Variants in WDR45B observed in about 807,000 individuals in gnomAD.
The protein encoded by WDR45B is WD repeat domain 45B, also known as WD repeat domain phosphoinositide-interacting protein 3.
WDR45B carries 20 observed loss-of-function variants against 44.6 expected under a neutral mutation model. The observed-to-expected ratio is 0.45, with a 90% CI of 0.32 to 0.65. The LOEUF is 0.65. WDR45B is among the 30% of genes least tolerant of loss of function. WDR45B has a pLI of 0.05. For synonymous variants in WDR45B, 169 were observed against 164.9 expected (o/e 1.02, Z -0.19); for missense variants, 323 against 430.2 (o/e 0.75, Z 2.20).
chr17:82,643,066 G>A (rs775028797), intron 2 of WDR45B, among the ~76,000 whole-genome samples: 7 of 152,316 alleles, frequency 4.6e-5, no homozygotes, highest in Non-Finnish European at 7.3e-5. Flanking sequence ...ATTAATCTGC[G>A]TGTCTTACGC....
At chr17:82,635,386 T>C (rs1350668089) in intron 2 of WDR45B, among the ~76,000 whole-genome samples, 1 of 151,546 alleles carries the variant, frequency 6.6e-6, no homozygotes, top group Admixed American at 6.6e-5. Context: ...GGCTTATTAA[T>C]AAAGTTATTA....
At position 82,644,013 on chromosome 17, in the gene WDR45B, C is replaced by T. The variant is rs201972875; in HGVS notation, c.78G>A (p.Ala26=). The change falls in exon 2 of 10, where the codon GCG becomes GCA. Residue 26 remains alanine (A), a synonymous_variant. Coordinates refer to ENST00000392325, the MANE Select transcript of WDR45B (RefSeq NM_019613.4). Reference sequence around the variant, plus strand: ...CTCGGAATCCATTTTCCATCCCACACGCAAAGCATCCTAAAGCAGAAGTGT... The same window carrying T: ...CTCGGAATCCATTTTCCATCCCACATGCAAAGCATCCTAAAGCAGAAGTGT... ...AGFNQDHGCF[A]CGMENGFRVY... is the part of the protein sequence containing the mutation. 5.3e-5 allele frequency: 85 copies of T among 1,613,964 alleles called. 1 individual carries two copies. The highest frequency in any genetic ancestry group is 1.6e-4 in the African/African-American group (12 of 74,908).
intron 2 of WDR45B, among the ~76,000 whole-genome samples, chr17:82,641,014 G>GTTTT: frequency 7.6e-6 from 1 of 131,316 alleles, no homozygotes. Flanking sequence ...CGCCCAGGAT[G>GTTTT]GAGTGCAGTG....
intron 5 of WDR45B, among the ~76,000 whole-genome samples, chr17:82,624,539 C>T (rs995454558): frequency 5.4e-5 from 8 of 146,918 alleles, no homozygotes; most frequent in Non-Finnish European, 1.2e-4. Flanking sequence ...GGATTACAGG[C>T]GTGAGCCACT....
intron 1 of WDR45B, among the ~76,000 whole-genome samples, chr17:82,648,030 G>A (rs956788302): frequency 2.7e-5 from 4 of 146,402 alleles, no homozygotes; most frequent in African/African-American, 7.5e-5. Flanking sequence ...CACAACCCGG[G>A]GGGTGGGGGA....
chr17:82,627,101 A>C, intron 4 of WDR45B, 103 bp downstream of exon 4: 1 of 941,162 alleles, frequency 1.1e-6, no homozygotes. Context: ...ACATTTTAAT[A>C]CATCATTTCC....
At chr17:82,616,879 G>A (rs572064313) in intron 8 of WDR45B, among the ~76,000 whole-genome samples, 11 of 152,088 alleles carry the variant, frequency 7.2e-5, no homozygotes, top group East Asian at 5.8e-4. Flanking sequence ...GTGCAGGGGC[G>A]CAATCTCGGC....
intron 2 of WDR45B, among the ~76,000 whole-genome samples, chr17:82,636,320 G>A (rs1177099479): frequency 2.0e-5 from 3 of 151,308 alleles, no homozygotes; most frequent in East Asian, 1.9e-4. Flanking sequence ...TTAGCTATGC[G>A]GTCTCTGGGT....
intron 1 of WDR45B, 52 bp downstream of exon 1, chr17:82,648,222 C>T (rs185602683): frequency 6.5e-5 from 102 of 1,567,050 alleles, no homozygotes; most frequent in Admixed American, 3.2e-4. Flanking sequence ...CCGGGGACCC[C>T]GGGCTGCGGG....
chr17:82,635,581 C>T (rs2045822512), intron 2 of WDR45B, among the ~76,000 whole-genome samples: 1 of 151,574 alleles, frequency 6.6e-6, no homozygotes, highest in Non-Finnish European at 1.5e-5. Flanking sequence ...GCCCATCACA[C>T]CCAGCTAATT....
intron 2 of WDR45B, among the ~76,000 whole-genome samples, chr17:82,639,192 T>C (rs911925227): frequency 6.6e-6 from 1 of 151,990 alleles, no homozygotes; most frequent in Non-Finnish European, 1.5e-5. Flanking sequence ...CTACTTTCTT[T>C]TTCCTTTAAC....
chr17:82,614,805 AAT>A lies in WDR45B; in HGVS notation c.*1112_*1113del, dbSNP rs576731192. ...TTGCAATCTGAAATCAAAACCATAA[AAT>A]AGAGTTTAACGGGAATTTAAGAAAA... On this transcript the variant is annotated 3_prime_UTR_variant, in exon 10 of 10. Transcript: ENST00000392325. 179 of 152,328 alleles carry A rather than the reference AAT, an allele frequency of 1.2e-3. No individual in the cohort carries two copies. The highest frequency in any genetic ancestry group is 3.8e-3 in the African/African-American group (158 of 41,570). 9.4% of individuals were successfully genotyped at this position (152,328 alleles called of 1,614,324 possible).
At chr17:82,644,563 T>TCTA in intron 1 of WDR45B, 1 of 180,556 alleles carries the variant, frequency 5.5e-6, no homozygotes, top group Non-Finnish European at 1.2e-5. Context: ...GTTACCCAGG[T>TCTA]CACTCATCCT....
intron 6 of WDR45B, among the ~76,000 whole-genome samples, chr17:82,621,046 TTTTG>T (rs1278759124): frequency 7.9e-5 from 11 of 138,378 alleles, no homozygotes; most frequent in African/African-American, 1.5e-4. Context: ...GTGGACGTAT[TTTTG>T]TTTCTTTTTT....
intron 2 of WDR45B, among the ~76,000 whole-genome samples, chr17:82,634,279 G>A (rs1195196326): frequency 2.0e-5 from 3 of 151,458 alleles, no homozygotes; most frequent in Admixed American, 1.3e-4. Flanking sequence ...CATGAGGTCG[G>A]GCGATCAAGA....
chr17:82,616,619 T>G lies in WDR45B; in HGVS notation c.833A>C (p.Lys278Thr). ...GAAACTCCACTTGGAACTGAAGTAT[T>G]TTGGAAGGAAACTGGCTGAGGCCAA... is the stretch of plus-strand genomic sequence containing the variant. The part of the protein sequence containing the change: ...SSLASASFLP[K>T]YFSSKWSFSK... Residue 278 changes from lysine (K) to threonine (T), a missense_variant, in exon 9 of 10, where the codon AAA (lysine) becomes ACA (threonine). Coordinates refer to ENST00000392325, the MANE Select transcript of WDR45B (RefSeq NM_019613.4). 6.2e-7 allele frequency: 1 copy of G among 1,614,128 alleles called. No individual in the cohort carries two copies. The highest frequency in any genetic ancestry group is 8.5e-7 in the Non-Finnish European group (1 of 1,180,018).
chr17:82,617,162 G>C, intron 8 of WDR45B, 134 bp downstream of exon 8: 1 of 803,232 alleles, frequency 1.2e-6, no homozygotes, highest in East Asian at 2.7e-5. Context: ...AAATGAAAAA[G>C]ATTTCAGCGC....
intron 6 of WDR45B, among the ~76,000 whole-genome samples, chr17:82,621,077 G>A (rs982144278): frequency 9.5e-5 from 14 of 147,748 alleles, no homozygotes; most frequent in Middle Eastern, 6.9e-3. Flanking sequence ...TTTTTGAGAC[G>A]GAGTCTCACT....
At chr17:82,642,453 T>C (rs919021597) in intron 2 of WDR45B, among the ~76,000 whole-genome samples, 43 of 152,234 alleles carry the variant, frequency 2.8e-4, no homozygotes, top group African/African-American at 1.0e-3. Context: ...CCGAAAAGGC[T>C]GCAGACCGCT....
Sources: gnomAD v4.1 joint callset for allele counts (sites outside exome capture counted in the v4.1 genomes callset) on GRCh38, gnomAD v4.1.1 for gene constraint, MANE v1.5 for transcripts, NCBI Gene and HGNC (gene_info 2026-07-23, HGNC 2026-07-21) for gene names.